FBLN2: variants seen among roughly 807,000 people sequenced by gnomAD.
The protein encoded by FBLN2 is fibulin 2.
Under a neutral mutation model 123.7 loss-of-function variants are expected in FBLN2, and 81 were observed. The observed-to-expected ratio is 0.65, with a 90% CI of 0.55 to 0.79. The LOEUF (loss-of-function observed/expected upper bound fraction) is 0.79. Among genes scored for constraint, FBLN2 ranks in the 30% least tolerant of loss-of-function variants. The probability of loss-of-function intolerance (pLI) is 0.00; values close to 1 mark genes in which losing one functional copy is unlikely to be tolerated. For missense variants in FBLN2, 1,603 were observed against 1,681.3 expected (o/e 0.95, Z 0.81); for synonymous variants, 699 against 701.4 (o/e 1.00, Z 0.05).
Position 13,621,025 on chromosome 3 carries a change from T to A in FBLN2, c.2156-750T>A, listed in dbSNP as rs920893272. On this transcript the variant is annotated intron_variant, in intron 8 of 17. Coordinates refer to ENST00000404922, the MANE Select transcript of FBLN2 (RefSeq NM_001004019.2). ...GGGCCCTGAAGATGTAAGAGCTGCA[T>A]CTTTTCTGGGGCAGGCCTCCTTTGG... Among the ~76,000 whole-genome samples the A allele has an allele frequency of 4.6e-5, 7 of 152,322 alleles. No homozygotes were observed. The South Asian group carries it at 1.2e-3, about 27-fold the overall frequency.
chr3:13,623,195 C>G (rs550963803), intron 9 of FBLN2, among the ~76,000 whole-genome samples: 1 of 152,358 alleles, frequency 6.6e-6, no homozygotes, highest in South Asian at 2.1e-4. Context: ...CCGGCCAGCT[C>G]TTCCTGTCTG....
intron 1 of FBLN2, among the ~76,000 whole-genome samples, chr3:13,552,487 T>C (rs759353458): frequency 6.6e-6 from 1 of 151,900 alleles, no homozygotes; most frequent in African/African-American, 2.4e-5. Flanking sequence ...GGTCCCCGAG[T>C]GTGGGTGGTG....
chr3:13,629,887 C>T lies in FBLN2; in HGVS notation c.2910C>T (p.Ser970=). 6.2e-7 allele frequency: 1 copy of T among 1,603,626 alleles called. No homozygotes were observed. The highest frequency in any genetic ancestry group is 1.1e-5 in the South Asian group (1 of 88,794). Residue 970 remains serine (S), a synonymous_variant, in exon 14 of 18, where the codon TCC becomes TCT. Transcript: ENST00000404922. Reference sequence around the variant, plus strand: ...ACACGTGTGAGAACACACTCGGCTCCTACCGCTGTTCCTGCGCCTCCGGGT... The same window carrying T: ...ACACGTGTGAGAACACACTCGGCTCTTACCGCTGTTCCTGCGCCTCCGGGT... ...CQHTCENTLG[S]YRCSCASGFL...
intron 14 of FBLN2, among the ~76,000 whole-genome samples, 159 bp downstream of exon 14, chr3:13,630,104 C>A (rs1225117779): frequency 6.6e-6 from 1 of 152,210 alleles, no homozygotes; most frequent in East Asian, 1.9e-4. Context: ...TCTGGCCCAA[C>A]CCTCTCTGGC....
chr3:13,556,151 C>T (rs1221629164), intron 1 of FBLN2, among the ~76,000 whole-genome samples: 6 of 152,182 alleles, frequency 3.9e-5, no homozygotes, highest in Non-Finnish European at 8.8e-5. Flanking sequence ...CTGGCGGGTT[C>T]CGGCTGCTAT....
Position 13,620,146 on chromosome 3 carries a change from G to T in FBLN2, c.2155+315G>T, listed in dbSNP as rs1278512057. The stretch of plus-strand genomic sequence containing the variant: ...CGAGTGTGCACCTGAGTCCCTGGAG[G>T]CCTGGGTCAAACAGGCAGTCCTGAG... On this transcript the variant is annotated intron_variant, in intron 8 of 17. Coordinates refer to ENST00000404922, the MANE Select transcript of FBLN2 (RefSeq NM_001004019.2). Among the ~76,000 whole-genome samples, 3 of 152,276 alleles carry T rather than the reference G, an allele frequency of 2.0e-5. No individual in the cohort carries two copies. The East Asian group carries it at 5.8e-4, about 29-fold the overall frequency.
intron 2 of FBLN2, among the ~76,000 whole-genome samples, chr3:13,583,698 C>T (rs978411865): frequency 1.2e-4 from 18 of 152,228 alleles, no homozygotes; most frequent in African/African-American, 4.1e-4. Flanking sequence ...CAAGTATAGT[C>T]AAGGGCCACA....
intron 1 of FBLN2, among the ~76,000 whole-genome samples, chr3:13,549,526 C>T (rs1451931316): frequency 6.6e-6 from 1 of 151,768 alleles, no homozygotes; most frequent in Non-Finnish European, 1.5e-5. Context: ...TTTCACTTCT[C>T]CCCCCTGGGC....
intron 4 of FBLN2, among the ~76,000 whole-genome samples, chr3:13,611,477 CTG>C (rs1158403952): frequency 1.3e-5 from 2 of 152,198 alleles, no homozygotes; most frequent in African/African-American, 4.8e-5. Context: ...CTTTCTGTCT[CTG>C]TGGGTTTGAC....
rs1703443413 is a variant in FBLN2 at position 13,555,642 on chromosome 3, G to A, written c.-42+6434G>A. The stretch of plus-strand genomic sequence containing the variant: ...GCTAATTTTTTGTATTTTTAGTAGA[G>A]ACGGAGTTTCACCGTGTTAGCCAGG... On this transcript the variant is annotated intron_variant, in intron 1 of 17. Coordinates refer to ENST00000404922, the MANE Select transcript of FBLN2 (RefSeq NM_001004019.2). Among the ~76,000 whole-genome samples the A allele has an allele frequency of 2.0e-5, 3 of 152,144 alleles. No homozygotes were observed. In the South Asian group the frequency reaches 6.2e-4, roughly 32 times the overall value.
chr3:13,629,128 C>CCCCAG, intron 12 of FBLN2, 36 bp from the exon 13 acceptor site: 1 of 1,612,676 alleles, frequency 6.2e-7, no homozygotes, highest in Non-Finnish European at 8.5e-7. Flanking sequence ...GTGGAGGGAG[C>CCCCAG]CCCAGGCCTC....
rs1380662216 is a variant in FBLN2 at position 13,571,769 on chromosome 3, G to T, written c.1306+108G>T. The T allele has an allele frequency of 2.9e-6, 4 of 1,358,048 alleles. No homozygotes were observed. The African/African-American group carries it at 5.9e-5, about 20-fold the overall frequency. 84.1% of individuals were successfully genotyped at this position (1,358,048 alleles called of 1,614,324 possible). A position where few individuals can be genotyped will look rare whatever the true frequency, so the allele number is the denominator to read the frequency against. On this transcript the variant is annotated intron_variant, in intron 2 of 17. Coordinates refer to ENST00000404922, the MANE Select transcript of FBLN2 (RefSeq NM_001004019.2). ...CTGGGGCTGGGGATGCTGGACTGTG[G>T]GGCCAGGCCTAGGGTGGCCACCCCA... is the stretch of plus-strand genomic sequence containing the variant.
chr3:13,629,984 A>G, intron 14 of FBLN2, 39 bp downstream of exon 14: 1 of 1,604,522 alleles, frequency 6.2e-7, no homozygotes, highest in Non-Finnish European at 8.5e-7. Context: ...GCCGCCTGGT[A>G]TCTGTAGTGG....
At chr3:13,635,777 A>G (rs899999772) in intron 16 of FBLN2, among the ~76,000 whole-genome samples, 11 of 152,078 alleles carry the variant, frequency 7.2e-5, no homozygotes, top group Admixed American at 5.2e-4. Flanking sequence ...ACAGCATGGG[A>G]ATGAGAAAGA....
chr3:13,576,751 C>T (rs1211942363), intron 2 of FBLN2, among the ~76,000 whole-genome samples: 2 of 150,744 alleles, frequency 1.3e-5, no homozygotes, highest in Non-Finnish European at 2.9e-5. Context: ...CATTTATCCA[C>T]CCAGTATTTA....
chr3:13,617,929 T>C, intron 5 of FBLN2, 147 bp from the exon 6 acceptor site: 1 of 468,308 alleles, frequency 2.1e-6, no homozygotes, highest in Non-Finnish European at 3.9e-6. Context: ...CACCCACCCA[T>C]CCATCCATCC....
chr3:13,622,942 C>G (rs1647816556), intron 9 of FBLN2, among the ~76,000 whole-genome samples: 1 of 152,238 alleles, frequency 6.6e-6, no homozygotes, highest in African/African-American at 2.4e-5. Flanking sequence ...GAAGGAACAG[C>G]TCAAATAAAG....
chr3:13,612,301 T>TTCTTTCTTTCTTTCTTTCTTTCTTTC lies in FBLN2; in HGVS notation c.1549-1681_1549-1656dup, dbSNP rs1339803773. 1.1e-4 allele frequency among the ~76,000 whole-genome samples: 7 copies of TTCTTTCTTTCTTTCTTTCTTTCTTTC among 66,136 alleles called. 1 individual carries two copies. The highest frequency in any genetic ancestry group is 2.8e-4 in the African/African-American group (7 of 25,416). The allele number at this position is 66,136 out of a possible 152,430, so 43.4% of individuals were successfully genotyped here. A position where few individuals can be genotyped will look rare whatever the true frequency, so the allele number is the denominator to read the frequency against. On this transcript the variant is annotated intron_variant, in intron 4 of 17. Coordinates refer to ENST00000404922, the MANE Select transcript of FBLN2 (RefSeq NM_001004019.2). ...TTTCTTTTCTTTTATTTTCCTTTCT[T>TTCTTTCTTTCTTTCTTTCTTTCTTTC]TCTTTCTTTCTTTCTTTCTTTCTTT...
rs571811492 is a variant in FBLN2, at chr3:13,571,746, G to T, written c.1306+85G>T. The T allele has an allele frequency of 3.6e-5, 51 of 1,432,524 alleles. 1 individual carries two copies. The South Asian group carries it at 7.2e-4, about 20-fold the overall frequency. The allele number at this position is 1,432,524 out of a possible 1,614,324, so 88.7% of individuals were successfully genotyped here. A position where few individuals can be genotyped will look rare whatever the true frequency, so the allele number is the denominator to read the frequency against. ...TGGCCGCTGCCCCAGGTCTCTGCCT[G>T]GGGCTGGGGATGCTGGACTGTGGGG... On this transcript the variant is annotated intron_variant, in intron 2 of 17. Coordinates refer to ENST00000404922, the MANE Select transcript of FBLN2 (RefSeq NM_001004019.2).
Sources: allele counts gnomAD v4.1 joint callset (sites outside exome capture counted in the v4.1 genomes callset), GRCh38; gene constraint gnomAD v4.1.1; transcripts MANE v1.5; gene names NCBI Gene and HGNC (gene_info 2026-07-23, HGNC 2026-07-21).